KCNC4: variants seen among roughly 807,000 people sequenced by gnomAD.
KCNC4 encodes potassium voltage-gated channel subfamily C member 4, also known as voltage-gated potassium channel KCNC4.
In KCNC4, 23 loss-of-function variants were observed where a neutral mutation model predicts 42.8. The ratio of observed to expected loss-of-function variants is 0.54; its 90% CI spans 0.39 to 0.76. The LOEUF (loss-of-function observed/expected upper bound fraction) is 0.76, where lower values mean the gene tolerates loss of function less well. KCNC4 is among the 30% of genes least tolerant of loss of function. The pLI, the probability that KCNC4 is intolerant of heterozygous loss-of-function variation, is 0.00. For synonymous variants in KCNC4, 422 were observed against 393.5 expected (o/e 1.07, Z -0.86); for missense variants, 751 against 898.2 (o/e 0.84, Z 2.10).
chr1:110,219,852 G>A (rs113271432), intron 1 of KCNC4: 1 of 152,200 alleles, frequency 6.6e-6, no homozygotes, highest in South Asian at 2.1e-4. Flanking sequence ...GCAACATAGG[G>A]CAGAAAGGAA....
intron 1 of KCNC4, among the ~76,000 whole-genome samples, chr1:110,274,757 C>T (rs929636581): frequency 3.3e-5 from 5 of 152,054 alleles, no homozygotes; most frequent in African/African-American, 4.8e-5. Flanking sequence ...AAAATATACA[C>T]GAGGGAAAGG....
chr1:110,280,930 A>G lies in KCNC4; in HGVS notation n.31-1604A>G, dbSNP rs1659809390. On this transcript the variant is annotated intron_variant and non_coding_transcript_variant, in intron 1 of 2. Coordinates refer to the KCNC4 transcript ENST00000412512. Reference sequence around the variant, plus strand: ...ATTCCCTACCCAGAGCTGCCCAGTGATCTTTACCCAGCTTAGTTTCTCCAG... The same window carrying G: ...ATTCCCTACCCAGAGCTGCCCAGTGGTCTTTACCCAGCTTAGTTTCTCCAG... Among the ~76,000 whole-genome samples, 3 of 152,044 alleles carry G rather than the reference A, an allele frequency of 2.0e-5. No homozygotes were observed. The South Asian group carries it at 6.2e-4, about 32-fold the overall frequency.
chr1:110,229,683 G>T (rs559108205), intron 3 of KCNC4, among the ~76,000 whole-genome samples: 2 of 152,308 alleles, frequency 1.3e-5, no homozygotes, highest in Admixed American at 6.5e-5. Flanking sequence ...CAACAGGTTT[G>T]TGAGTCACTG....
At chr1:110,243,686 GA>G in exon 4 of KCNC4, 2 of 153,012 alleles carry the variant, frequency 1.3e-5, no homozygotes, top group African/African-American at 2.4e-5. Context: ...AGCAGGGAGA[GA>G]AAAAGCAGGT....
At chr1:110,276,067 T>C (rs1659720214) in intron 1 of KCNC4, among the ~76,000 whole-genome samples, 1 of 151,750 alleles carries the variant, frequency 6.6e-6, no homozygotes, top group Non-Finnish European at 1.5e-5. Context: ...AAATACCATA[T>C]GTTCTCTTAT....
intron 1 of KCNC4, among the ~76,000 whole-genome samples, chr1:110,275,385 C>T (rs774952626): frequency 2.0e-5 from 3 of 152,074 alleles, no homozygotes; most frequent in Non-Finnish European, 2.9e-5. Context: ...ATGCAGAGAA[C>T]AAGGAATGCT....
At chr1:110,272,896 A>G (rs1659659594) in intron 1 of KCNC4, among the ~76,000 whole-genome samples, 1 of 152,174 alleles carries the variant, frequency 6.6e-6, no homozygotes, top group South Asian at 2.1e-4. Context: ...CAGTAAATTC[A>G]TCCTAAAATT....
intron 1 of KCNC4, among the ~76,000 whole-genome samples, chr1:110,216,040 A>G (rs1271730938): frequency 1.3e-5 from 2 of 152,176 alleles, no homozygotes; most frequent in Non-Finnish European, 1.5e-5. Flanking sequence ...TGGGATTTCC[A>G]TAGGAAAAAT....
intron 1 of KCNC4, among the ~76,000 whole-genome samples, chr1:110,219,281 CTT>C (rs1457066312): frequency 1.3e-5 from 2 of 152,208 alleles, no homozygotes; most frequent in African/African-American, 4.8e-5. Flanking sequence ...CTCCTCAACT[CTT>C]ATCTCCATTT....
At chr1:110,226,839 GA>G (rs1386402918) in intron 3 of KCNC4, among the ~76,000 whole-genome samples, 2 of 152,184 alleles carry the variant, frequency 1.3e-5, no homozygotes, top group Non-Finnish European at 1.5e-5. Context: ...CTGCTTGTCG[GA>G]AAAGGCTGAA....
chr1:110,276,382 T>C (rs1659726798), intron 1 of KCNC4, among the ~76,000 whole-genome samples: 1 of 151,382 alleles, frequency 6.6e-6, no homozygotes, highest in South Asian at 2.1e-4. Flanking sequence ...ATAGCTGGGT[T>C]TTCATGGTGT....
intron 1 of KCNC4, among the ~76,000 whole-genome samples, chr1:110,261,058 C>G (rs1659416524): frequency 6.6e-6 from 1 of 152,088 alleles, no homozygotes; most frequent in African/African-American, 2.4e-5. Context: ...AGAAAATTTC[C>G]CAATTAGTAA....
intron 1 of KCNC4, among the ~76,000 whole-genome samples, chr1:110,275,731 G>A (rs1659706994): frequency 6.6e-6 from 1 of 151,994 alleles, no homozygotes; most frequent in Admixed American, 6.6e-5. Flanking sequence ...GGCCGAGGCG[G>A]GTGGATCATG....
intron 3 of KCNC4, chr1:110,232,452 A>G: frequency 6.8e-7 from 1 of 1,467,622 alleles, no homozygotes; most frequent in Non-Finnish European, 9.0e-7. Flanking sequence ...AGCTGGGGTG[A>G]TGGCCTGTGA....
chr1:110,220,920 C>T lies in KCNC4; in HGVS notation c.679-2044C>T, dbSNP rs144012368. ...CAAGCAGGAAAAACTCCAGCAGTGT[C>T]GTAAAATTGGGAAAGTGTGTCTGTG... is the stretch of plus-strand genomic sequence containing the variant. On this transcript the variant is annotated intron_variant, in intron 1 of 3. Transcript: ENST00000438661. 3.9e-5 allele frequency: 6 copies of T among 152,322 alleles called. No individual in the cohort carries two copies. In the South Asian group the frequency reaches 8.3e-4, roughly 21 times the overall value. The allele number at this position is 152,322 out of a possible 1,614,324, so 9.4% of individuals were successfully genotyped here. A position where few individuals can be genotyped will look rare whatever the true frequency, so the allele number is the denominator to read the frequency against.
In KCNC4 at chr1:110,211,601, G is replaced by A. The variant is rs1449852521; in HGVS notation, c.102G>A (p.Ala34=). The change falls in exon 1 of 4, where the codon GCG becomes GCA. Residue 34 remains alanine (A), a synonymous_variant. Coordinates refer to ENST00000438661, the MANE Select transcript of KCNC4 (RefSeq NM_001039574.3). The surrounding 1 kb of genome is among the most constrained non-coding windows in gnomAD (Gnocchi z 6.5). ...CLKEEMAKGE[A]SEKIIINVGG... is the part of the protein sequence containing the mutation. ...AGGAGGAGATGGCCAAGGGCGAGGCGTCGGAGAAGATCATCATCAACGTGG... is the reference window on the plus strand; with the variant it reads ...AGGAGGAGATGGCCAAGGGCGAGGCATCGGAGAAGATCATCATCAACGTGG... 4 of 1,614,082 alleles carry A rather than the reference G, an allele frequency of 2.5e-6. No homozygotes were observed. The highest frequency in any genetic ancestry group is 3.3e-5 in the Admixed American group (2 of 60,038).
At chr1:110,253,131 A>G (rs1659272996), downstream of KCNC4, among the ~76,000 whole-genome samples, 1 of 152,124 alleles carries the variant, frequency 6.6e-6, no homozygotes, top group Non-Finnish European at 1.5e-5. Context: ...CCAATGCACA[A>G]TGGCTCCCTC....
Position 110,223,785 on chromosome 1 carries a change from G to T in KCNC4, c.1500G>T (p.Ala500=). 6.2e-7 allele frequency: 1 copy of T among 1,614,124 alleles called. No individual in the cohort carries two copies. Reference sequence around the variant, plus strand: ...GGAAGAAGCACGTGCCACGGCCGGCGCAGCTGGAGTCACCCATGTACTGCA... The same window carrying T: ...GGAAGAAGCACGTGCCACGGCCGGCTCAGCTGGAGTCACCCATGTACTGCA... ...KKRKKHVPRP[A]QLESPMYCKS... Residue 500 remains alanine (A), a synonymous_variant, in exon 2 of 4, where the codon GCG becomes GCT. Transcript: ENST00000438661. The surrounding 1 kb of genome is among the most constrained non-coding windows in gnomAD (Gnocchi z 7.5).
At chr1:110,281,958 G>A (rs541830636) in intron 1 of KCNC4, among the ~76,000 whole-genome samples, 6 of 152,300 alleles carry the variant, frequency 3.9e-5, no homozygotes, top group African/African-American at 7.2e-5. Flanking sequence ...CCCAGGCTGC[G>A]CTGGCAGAGG....
Sources: allele counts gnomAD v4.1 joint callset (sites outside exome capture counted in the v4.1 genomes callset), GRCh38; gene constraint gnomAD v4.1.1; non-coding constraint Gnocchi (gnomAD v3.1); transcripts MANE v1.5; gene names NCBI Gene and HGNC (gene_info 2026-07-23, HGNC 2026-07-21).